EPHX2: variants seen among roughly 807,000 people sequenced by gnomAD.
EPHX2 encodes the protein bifunctional epoxide hydrolase 2.
Under a neutral mutation model 78.7 loss-of-function variants are expected in EPHX2, and 74 were observed. That is an observed-to-expected ratio of 0.94 (90% CI 0.78 to 1.14). The LOEUF is 1.14. EPHX2 is among the 50% of genes most tolerant of loss of function. The pLI is 0.00. For missense variants in EPHX2, 715 were observed against 702.5 expected (o/e 1.02, Z -0.20); for synonymous variants, 251 against 255.2 (o/e 0.98, Z 0.16).
intron 5 of EPHX2, among the ~76,000 whole-genome samples, chr8:27,510,723 G>A (rs1201344562): frequency 6.6e-6 from 1 of 152,156 alleles, no homozygotes; most frequent in Non-Finnish European, 1.5e-5. Flanking sequence ...GGAGGCCAAG[G>A]TGGGAGGATC....
At chr8:27,491,355 A>G in intron 1 of EPHX2, 46 bp downstream of exon 1, 1 of 1,349,448 alleles carries the variant, frequency 7.4e-7, no homozygotes, top group Non-Finnish European at 9.7e-7. Flanking sequence ...GGGCCTCAGG[A>G]GGCAGACCGC....
chr8:27,541,609 C>G (rs1472926243), intron 16 of EPHX2, 67 bp downstream of exon 16: 2 of 1,552,364 alleles, frequency 1.3e-6, no homozygotes, highest in East Asian at 4.5e-5. Context: ...TCCCATTGGC[C>G]TGAGCTGATA....
chr8:27,543,827 T>G lies in EPHX2; in HGVS notation c.1528T>G (p.Trp510Gly), dbSNP rs760781821. ...TCAGATGTCCCAGCACATGGAGGAC[T>G]GGGTGAGGGAATGGCCCTGTACAAG... ...VPQMSQHMED[W>G]IPHLKRGHIE... Residue 510 changes from tryptophan (W) to glycine (G), a missense_variant and splice_region_variant, in exon 17 of 19, where the codon TGG becomes GGG. Trp to Gly is a radical substitution (Grantham distance 184, BLOSUM62 -2). Coordinates refer to ENST00000521400, the MANE Select transcript of EPHX2 (RefSeq NM_001979.6). 4.3e-6 allele frequency: 7 copies of G among 1,614,154 alleles called. No individual in the cohort carries two copies. The Admixed American group carries it at 1.2e-4, about 27-fold the overall frequency.
chr8:27,492,277 G>A (rs190394693), intron 1 of EPHX2, among the ~76,000 whole-genome samples: 1 of 152,354 alleles, frequency 6.6e-6, no homozygotes, highest in African/African-American at 2.4e-5. Context: ...GGGAAGCTAA[G>A]GTGGGAGGAT....
At position 27,544,979 on chromosome 8, in the gene EPHX2, T is replaced by C. The variant is rs1182280236; in HGVS notation, c.*457T>C. 5.4e-6 allele frequency: 1 copy of C among 186,232 alleles called. No homozygotes were observed. Among genetic ancestry groups the C allele is most frequent in the Non-Finnish European group, 1.1e-5 (1 of 88,714 alleles). 11.5% of individuals were successfully genotyped at this position (186,232 alleles called of 1,614,324 possible). A position where few individuals can be genotyped will look rare whatever the true frequency, so the allele number is the denominator to read the frequency against. Reference sequence around the variant, plus strand: ...GACTGTTCACGGAGAATGCACGGCATGGGGATGAACCCTTTCCCTCTGCTT... The same window carrying C: ...GACTGTTCACGGAGAATGCACGGCACGGGGATGAACCCTTTCCCTCTGCTT... On this transcript the variant is annotated 3_prime_UTR_variant, in exon 19 of 19. Coordinates refer to ENST00000521400, the MANE Select transcript of EPHX2 (RefSeq NM_001979.6).
intron 13 of EPHX2, among the ~76,000 whole-genome samples, chr8:27,538,145 G>A (rs1031061825): frequency 1.3e-5 from 2 of 152,144 alleles, no homozygotes; most frequent in African/African-American, 2.4e-5. Context: ...ATTCCCAAGG[G>A]GGTGTCTTTT....
At chr8:27,520,151 C>CT (rs973160917) in intron 9 of EPHX2, among the ~76,000 whole-genome samples, 2 of 149,506 alleles carry the variant, frequency 1.3e-5, no homozygotes. Context: ...CTAATCTCTC[C>CT]TTTTTTTTTA....
chr8:27,519,386 G>A (rs1814567380), intron 9 of EPHX2, among the ~76,000 whole-genome samples: 1 of 152,220 alleles, frequency 6.6e-6, no homozygotes, highest in Admixed American at 6.5e-5. Flanking sequence ...AGTGGGTGGT[G>A]GGGGCAGGAA....
intron 12 of EPHX2, among the ~76,000 whole-genome samples, chr8:27,528,110 C>G (rs1266458991): frequency 2.0e-5 from 3 of 152,112 alleles, no homozygotes; most frequent in Non-Finnish European, 4.4e-5. Flanking sequence ...CAAAAGTGAC[C>G]TTAGGAGAAA....
intron 4 of EPHX2, among the ~76,000 whole-genome samples, chr8:27,506,044 A>C (rs932208824): frequency 6.6e-6 from 1 of 152,140 alleles, no homozygotes; most frequent in Non-Finnish European, 1.5e-5. Flanking sequence ...GCTAGAGTGC[A>C]GTGAAGCGAT....
chr8:27,492,524 G>A (rs546615603), intron 1 of EPHX2, among the ~76,000 whole-genome samples: 4 of 152,126 alleles, frequency 2.6e-5, no homozygotes, highest in African/African-American at 4.8e-5. Flanking sequence ...GTGGACCTTC[G>A]CAGTGAGTGT....
downstream of EPHX2, among the ~76,000 whole-genome samples, chr8:27,547,062 C>T (rs535566211): frequency 5.3e-5 from 8 of 152,264 alleles, no homozygotes; most frequent in Admixed American, 1.3e-4. Context: ...CTCACCATCA[C>T]GAGAACAGCA....
Position 27,528,533 on chromosome 8 carries a change from C to T in EPHX2, c.1170+3060C>T, listed in dbSNP as rs544427264. Among the ~76,000 whole-genome samples the T allele has an allele frequency of 9.8e-4, 150 of 152,298 alleles. 3 individuals are homozygous for T. Among genetic ancestry groups the T allele is most frequent in the Admixed American group, 1.7e-3 (26 of 15,304 alleles). On this transcript the variant is annotated intron_variant, in intron 12 of 18. Coordinates refer to ENST00000521400, the MANE Select transcript of EPHX2 (RefSeq NM_001979.6). ...CAAAAGGTTGGTTTTGGGTGGTTTT[C>T]AAACAGGTAATAGCTTCAAACTTAA...
chr8:27,510,835 G>A (rs2132734355), intron 5 of EPHX2, among the ~76,000 whole-genome samples: 1 of 152,182 alleles, frequency 6.6e-6, no homozygotes, highest in Middle Eastern at 3.4e-3. Flanking sequence ...TATAGTCCCA[G>A]CTACTTAGGA....
At chr8:27,494,604 C>T (rs953459932) in intron 1 of EPHX2, among the ~76,000 whole-genome samples, 8 of 152,234 alleles carry the variant, frequency 5.3e-5, no homozygotes. Flanking sequence ...AACTGCCAGT[C>T]TTCTCCTAGA....
Position 27,503,735 on chromosome 8 carries a change from C to T in EPHX2, c.318C>T (p.Leu106=), listed in dbSNP as rs1273714506. Residue 106 remains leucine (L), a synonymous_variant, in exon 3 of 19, where the codon CTC becomes CTT. Coordinates refer to ENST00000521400, the MANE Select transcript of EPHX2 (RefSeq NM_001979.6). ...CCAGAAAGATCAACCGCCCCATGCT[C>T]CAGGCAGCTCTCATGCTCAGGAAGA... ...ISARKINRPM[L]QAALMLRKKG... 6.2e-7 allele frequency: 1 copy of T among 1,613,094 alleles called. No individual in the cohort carries two copies. Among genetic ancestry groups the T allele is most frequent in the East Asian group, 2.2e-5 (1 of 44,876 alleles).
At chr8:27,529,315 T>C (rs1814954517) in intron 12 of EPHX2, among the ~76,000 whole-genome samples, 1 of 152,210 alleles carries the variant, frequency 6.6e-6, no homozygotes, top group Non-Finnish European at 1.5e-5. Context: ...GCATGAAGAC[T>C]AGGCAGCTCT....
At chr8:27,497,051 G>GGC (rs1813598848) in intron 1 of EPHX2, among the ~76,000 whole-genome samples, 1 of 152,202 alleles carries the variant, frequency 6.6e-6, no homozygotes, top group African/African-American at 2.4e-5. Context: ...GCTGTCCCAG[G>GGC]ATTCCTTGGA....
At chr8:27,512,102 A>C in intron 6 of EPHX2, 192 bp downstream of exon 6, 1 of 312,756 alleles carries the variant, frequency 3.2e-6, no homozygotes. Context: ...TGTCTCAAGA[A>C]AAAAAAAAAA....
Sources: gnomAD v4.1 joint callset for allele counts (sites outside exome capture counted in the v4.1 genomes callset) on GRCh38, gnomAD v4.1.1 for gene constraint, MANE v1.5 for transcripts, NCBI Gene and HGNC (gene_info 2026-07-23, HGNC 2026-07-21) for gene names.